Variants in SGTA observed in about 807,000 individuals in gnomAD.
SGTA encodes small glutamine rich tetratricopeptide repeat co-chaperone alpha.
Under a neutral mutation model 44.3 loss-of-function variants are expected in SGTA, and 22 were observed. The observed-to-expected ratio is 0.50, with a 90% CI of 0.36 to 0.71. The LOEUF (loss-of-function observed/expected upper bound fraction) is 0.71, where lower values mean the gene tolerates loss of function less well. Ranked by LOEUF, SGTA falls within the 30% of genes least tolerant of loss-of-function variation. The pLI, the probability that SGTA is intolerant of heterozygous loss-of-function variation, is 0.00. For missense variants in SGTA, 341 were observed against 435.9 expected, an observed-to-expected ratio of 0.78 and a Z score of 1.94; for synonymous variants, 174 against 177.6, an observed-to-expected ratio of 0.98 and a Z score of 0.16.
rs752839724 is a variant in SGTA at position 2,768,949 on chromosome 19, A to C, written c.100+20T>G. On this transcript the variant is annotated intron_variant, in intron 2 of 11. Coordinates refer to ENST00000221566, the MANE Select transcript of SGTA (RefSeq NM_003021.4). The stretch of plus-strand genomic sequence containing the variant: ...TGGCCGCTGCCCGGGGAGAGGGGGA[A>C]GTGGCAGGCACCCACCTACCTTCCA... 1.3e-6 allele frequency: 2 copies of C among 1,567,266 alleles called. No individual in the cohort carries two copies. Among genetic ancestry groups the C allele is most frequent in the Non-Finnish European group, 1.8e-6 (2 of 1,137,998 alleles).
At chr19:2,768,599 C>T (rs1284574821) in intron 2 of SGTA, among the ~76,000 whole-genome samples, 5 of 152,182 alleles carry the variant, frequency 3.3e-5, no homozygotes, top group African/African-American at 1.2e-4. Context: ...GACTCTGGGG[C>T]GGGGCCAGCA....
At chr19:2,778,493 C>T (rs1046690078) in intron 1 of SGTA, among the ~76,000 whole-genome samples, 1 of 137,916 alleles carries the variant, frequency 7.3e-6, no homozygotes, top group Non-Finnish European at 1.6e-5. Flanking sequence ...CCTCCTGGAA[C>T]ACCGCCCCCC....
At chr19:2,781,461 C>A (rs996689998) in intron 1 of SGTA, among the ~76,000 whole-genome samples, 1 of 152,212 alleles carries the variant, frequency 6.6e-6, no homozygotes, top group African/African-American at 2.4e-5. Context: ...CTACAGGTAA[C>A]GCATAAACCA....
rs147543897 is a variant in SGTA, at chr19:2,782,820, C to T, written c.-24+413G>A. Among the ~76,000 whole-genome samples the T allele has an allele frequency of 1.1e-3, 171 of 152,314 alleles. 2 individuals carry two copies. In the East Asian group the frequency reaches 0.029, roughly 26 times the overall value. On this transcript the variant is annotated intron_variant, in intron 1 of 11. Transcript: ENST00000221566. Reference sequence around the variant, plus strand: ...AAGCCAAGAGGCTGGGCAAGGTCACCCAGGTAGGGACTGGCGGCGCTGGAA... The same window carrying T: ...AAGCCAAGAGGCTGGGCAAGGTCACTCAGGTAGGGACTGGCGGCGCTGGAA...
chr19:2,758,974 A>T (rs530323032), intron 9 of SGTA, among the ~76,000 whole-genome samples: 2 of 151,486 alleles, frequency 1.3e-5, no homozygotes, highest in Admixed American at 1.3e-4. Flanking sequence ...TTGTCAGGGG[A>T]TAGGAGAGGG....
chr19:2,765,093 A>G lies in SGTA; in HGVS notation c.392+93T>C. On this transcript the variant is annotated intron_variant, in intron 5 of 11. Transcript: ENST00000221566. The surrounding 1 kb of genome is among the most constrained non-coding windows in gnomAD (Gnocchi z 5.5). ...TGAATGGATCCCTCATCTACAGCGC[A>G]GAGGCCTCTCCCATCTCAGGTCCCT... 3 of 816,278 alleles carry G rather than the reference A, an allele frequency of 3.7e-6. No individual in the cohort carries two copies. The highest frequency in any genetic ancestry group is 6.3e-6 in the Non-Finnish European group (3 of 473,532). The allele number at this position is 816,278 out of a possible 1,614,324, so 50.6% of individuals were successfully genotyped here.
chr19:2,782,922 G>A (rs2144747377), intron 1 of SGTA, among the ~76,000 whole-genome samples: 1 of 152,306 alleles, frequency 6.6e-6, no homozygotes, highest in East Asian at 1.9e-4. Context: ...GTTAATAAGA[G>A]CGGAACGGCA....
chr19:2,765,547 T>C lies in SGTA; in HGVS notation c.293-262A>G, dbSNP rs144130330. ...GGCAGGGCCTGGCCTGGCCTGTGCC[T>C]GGCGACGGTGGCTGTCACTGCCTGG... On this transcript the variant is annotated intron_variant, in intron 4 of 11. Coordinates refer to ENST00000221566, the MANE Select transcript of SGTA (RefSeq NM_003021.4). This position sits in a 1 kb window ranked among gnomAD's most constrained non-coding sequence, Gnocchi z 5.5. Among the ~76,000 whole-genome samples the C allele has an allele frequency of 8.5e-3, 1,293 of 152,188 alleles. 16 individuals carry two copies. Among genetic ancestry groups the C allele is most frequent in the African/African-American group, 0.03 (1,238 of 41,524 alleles).
intron 4 of SGTA, among the ~76,000 whole-genome samples, chr19:2,766,023 C>CT (rs1217678094): frequency 6.6e-6 from 1 of 152,150 alleles, no homozygotes; most frequent in South Asian, 2.1e-4. Context: ...CCAAGACCAT[C>CT]CTGGCCAACA....
chr19:2,757,286 GT>G, intron 11 of SGTA, 50 bp downstream of exon 11: 2 of 1,583,098 alleles, frequency 1.3e-6, no homozygotes, highest in Middle Eastern at 1.8e-4. Flanking sequence ...AGGCACTCAC[GT>G]GGTGTCACTC....
At chr19:2,759,217 T>C in intron 9 of SGTA, 40 bp downstream of exon 9, 1 of 1,596,918 alleles carries the variant, frequency 6.3e-7, no homozygotes, top group Non-Finnish European at 8.6e-7. Context: ...AAAGGAAATT[T>C]AACCACAACA....
At position 2,766,687 on chromosome 19, in the gene SGTA, C is replaced by T. The variant is rs552039509; in HGVS notation, c.292+449G>A. ...CTGACCTCAGGCAATCTGCCCGCCT[C>T]GGCCTCCCAAAGAGCTGGGACTGCA... On this transcript the variant is annotated intron_variant, in intron 4 of 11. Coordinates refer to ENST00000221566, the MANE Select transcript of SGTA (RefSeq NM_003021.4). Among the ~76,000 whole-genome samples, 9 of 152,234 alleles carry T rather than the reference C, an allele frequency of 5.9e-5. No individual in the cohort carries two copies. The East Asian group carries it at 1.2e-3, about 20-fold the overall frequency.
At chr19:2,781,597 T>C (rs1915576617) in intron 1 of SGTA, among the ~76,000 whole-genome samples, 1 of 152,128 alleles carries the variant, frequency 6.6e-6, no homozygotes, top group Non-Finnish European at 1.5e-5. Flanking sequence ...TGGTTACTAT[T>C]ATAATCCCCA....
intron 9 of SGTA, among the ~76,000 whole-genome samples, chr19:2,758,125 T>A (rs1425056720): frequency 6.6e-6 from 1 of 152,122 alleles, no homozygotes; most frequent in Non-Finnish European, 1.5e-5. Flanking sequence ...ATGGAGTGGA[T>A]GGAGGCTAGA....
Position 2,765,402 on chromosome 19 carries a change from C to A in SGTA, c.293-117G>T. The A allele has an allele frequency of 1.4e-6, 1 of 720,726 alleles. No homozygotes were observed. The highest frequency in any genetic ancestry group is 2.4e-6 in the Non-Finnish European group (1 of 420,126). The allele number at this position is 720,726 out of a possible 1,614,324, so 44.6% of individuals were successfully genotyped here. A position where few individuals can be genotyped will look rare whatever the true frequency, so the allele number is the denominator to read the frequency against. ...AGACCCGAGGGGGCGTCACACTTGG[C>A]TCTTCTGGGCAGCCAGGACTCAACA... is the stretch of plus-strand genomic sequence containing the variant. On this transcript the variant is annotated intron_variant, in intron 4 of 11. Transcript: ENST00000221566. This position sits in a 1 kb window ranked among gnomAD's most constrained non-coding sequence, Gnocchi z 5.5.
intron 5 of SGTA, among the ~76,000 whole-genome samples, chr19:2,764,178 T>C (rs11883193): frequency 0.023 from 3,570 of 152,296 alleles, 118 homozygotes; most frequent in African/African-American, 0.08. Flanking sequence ...TTAGTGTTTC[T>C]CTTTACAATT....
At position 2,755,388 on chromosome 19, in the gene SGTA, A is replaced by G; in HGVS notation, c.*552T>C. On this transcript the variant is annotated 3_prime_UTR_variant, in exon 12 of 12. Transcript: ENST00000221566. The surrounding 1 kb of genome is among the most constrained non-coding windows in gnomAD (Gnocchi z 5.2). ...GCCGTCTCTTAGGTGTCTGCCACTA[A>G]AGAGTTCCTCATGCAAACACACATG... The G allele has an allele frequency of 2.0e-6, 2 of 987,578 alleles. No homozygotes were observed. The highest frequency in any genetic ancestry group is 9.4e-5 in the South Asian group (2 of 21,386). The allele number at this position is 987,578 out of a possible 1,614,324, so 61.2% of individuals were successfully genotyped here.
At position 2,758,493 on chromosome 19, in the gene SGTA, G is replaced by C. The variant is rs1337338009; in HGVS notation, c.738-711C>G. Among the ~76,000 whole-genome samples the C allele has an allele frequency of 2.0e-5, 3 of 151,652 alleles. No homozygotes were observed. The East Asian group carries it at 5.8e-4, about 29-fold the overall frequency. On this transcript the variant is annotated intron_variant, in intron 9 of 11. Transcript: ENST00000221566. ...GATTCTGCCACTGCACTCCAGCCTG[G>C]GTGACAGAGCAAGATTCTGTCTCAA...
At chr19:2,775,699 A>T (rs1263934350) in intron 1 of SGTA, among the ~76,000 whole-genome samples, 1 of 152,144 alleles carries the variant, frequency 6.6e-6, no homozygotes, top group Non-Finnish European at 1.5e-5. Context: ...GGGGAGTGAC[A>T]GCTGGTGGGG....
Sources: allele counts gnomAD v4.1 joint callset (sites outside exome capture counted in the v4.1 genomes callset), GRCh38; gene constraint gnomAD v4.1.1; non-coding constraint Gnocchi (gnomAD v3.1); transcripts MANE v1.5; gene names NCBI Gene and HGNC (gene_info 2026-07-23, HGNC 2026-07-21).